The following ST3GAL1 variants were observed in gnomAD, a reference collection of about 807,000 sequenced individuals.
ST3GAL1 encodes the protein CMP-N-acetylneuraminate-beta-galactosamide-alpha-2,3-sialyltransferase 1.
Under a neutral mutation model 34.1 loss-of-function variants are expected in ST3GAL1, and 16 were observed. That is an observed-to-expected ratio of 0.47 (90% CI 0.32 to 0.71). ST3GAL1 has a LOEUF of 0.71. ST3GAL1 is among the 30% of genes least tolerant of loss of function. The probability of loss-of-function intolerance (pLI) is 0.04; values close to 1 mark genes in which losing one functional copy is unlikely to be tolerated. For missense variants in ST3GAL1, 353 were observed against 447.4 expected (o/e 0.79, Z 1.90); for synonymous variants, 191 against 184.7 (o/e 1.03, Z -0.28).
intron 1 of ST3GAL1, among the ~76,000 whole-genome samples, chr8:133,558,063 C>T (rs1467632649): frequency 1.3e-5 from 2 of 152,182 alleles, no homozygotes; most frequent in African/African-American, 4.8e-5. Flanking sequence ...CCTAAGAGCA[C>T]CATTCTGCCA....
At position 133,535,647 on chromosome 8, in the gene ST3GAL1, G is replaced by A. The variant is rs375551200; in HGVS notation, c.-429+10127C>T. On this transcript the variant is annotated intron_variant, in intron 2 of 9. Transcript: ENST00000522652. ...CTATAGATGCACATGCACCATTCCCGGCTAATGTTTTCACTTTTTTTGGTA... is the reference window on the plus strand; with the variant it reads ...CTATAGATGCACATGCACCATTCCCAGCTAATGTTTTCACTTTTTTTGGTA... Among the ~76,000 whole-genome samples, 30 of 152,054 alleles carry A rather than the reference G, an allele frequency of 2.0e-4. No individual in the cohort carries two copies. The South Asian group carries it at 5.0e-3, about 25-fold the overall frequency.
chr8:133,506,949 AAATAAAT>A (rs1180973918), intron 2 of ST3GAL1, among the ~76,000 whole-genome samples: 2 of 105,688 alleles, frequency 1.9e-5, no homozygotes, highest in Admixed American at 9.2e-5. Context: ...ATAAATAAAT[AAATAAAT>A]AATAAATAAA....
At chr8:133,483,091 C>T (rs1563705932) in intron 3 of ST3GAL1, among the ~76,000 whole-genome samples, 2 of 152,232 alleles carry the variant, frequency 1.3e-5, no homozygotes, top group African/African-American at 4.8e-5. Flanking sequence ...CCTGTAATCC[C>T]AGCACTTTGG....
At chr8:133,540,847 A>T (rs1262658423) in intron 2 of ST3GAL1, among the ~76,000 whole-genome samples, 1 of 117,198 alleles carries the variant, frequency 8.5e-6, no homozygotes, top group Non-Finnish European at 1.9e-5. Context: ...AGAGACATAT[A>T]TATAGAGACA....
rs182832686 is a variant in ST3GAL1, at chr8:133,455,382, G to A, written c.*4382C>T. The stretch of plus-strand genomic sequence containing the variant: ...AGTGCTCTTTTGGTAAGAAAAAATA[G>A]TCGGTAATGCCCTGATCCTGACAAG... On this transcript the variant is annotated 3_prime_UTR_variant, in exon 10 of 10. Transcript: ENST00000522652. The A allele has an allele frequency of 9.2e-5, 14 of 152,410 alleles. No homozygotes were observed. The highest frequency in any genetic ancestry group is 2.6e-4 in the African/African-American group (11 of 41,574). 9.4% of individuals were successfully genotyped at this position (152,410 alleles called of 1,614,324 possible).
intron 2 of ST3GAL1, among the ~76,000 whole-genome samples, chr8:133,528,554 CA>C (rs1354293099): frequency 1.2e-4 from 19 of 152,248 alleles, no homozygotes; most frequent in African/African-American, 4.6e-4. Context: ...GAGTCAAGAC[CA>C]GGGGTCATCG....
chr8:133,518,794 G>A (rs1243356736), intron 2 of ST3GAL1, among the ~76,000 whole-genome samples: 1 of 152,142 alleles, frequency 6.6e-6, no homozygotes, highest in Non-Finnish European at 1.5e-5. Context: ...AAGTCTTCTA[G>A]GAGGTGCTAT....
chr8:133,534,799 C>T (rs535050939), intron 2 of ST3GAL1, among the ~76,000 whole-genome samples: 3 of 152,148 alleles, frequency 2.0e-5, no homozygotes, highest in Non-Finnish European at 4.4e-5. Context: ...TGGCTCTGTG[C>T]GGCTGACACA....
intron 2 of ST3GAL1, among the ~76,000 whole-genome samples, chr8:133,532,409 G>A (rs922533711): frequency 6.6e-6 from 1 of 151,916 alleles, no homozygotes; most frequent in Non-Finnish European, 1.5e-5. Context: ...GCAGTGAGCC[G>A]AGATTGCACC....
Position 133,464,879 on chromosome 8 carries a change from G to A in ST3GAL1, c.582C>T (p.Ser194=), listed in dbSNP as rs757456186. The A allele has an allele frequency of 1.2e-5, 19 of 1,614,008 alleles. No individual in the cohort carries two copies. The highest frequency in any genetic ancestry group is 1.7e-5 in the Admixed American group (1 of 60,002). Residue 194 remains serine, a synonymous_variant, in exon 7 of 10, where the codon AGC becomes AGT. Transcript: ENST00000522652. ...KTTHHLVYPE[S]FRELGDNVSM... The stretch of plus-strand genomic sequence containing the variant: ...TGACATTATCTCCCAGCTCCCGGAA[G>A]CTCTCAGGGTACACCAGATGGTGGG...
chr8:133,470,413 C>G (rs953596861), intron 5 of ST3GAL1, among the ~76,000 whole-genome samples: 13 of 150,492 alleles, frequency 8.6e-5, no homozygotes, highest in Non-Finnish European at 1.9e-4. Flanking sequence ...GAGAGAAACT[C>G]CATGCCAAAA....
intron 3 of ST3GAL1, among the ~76,000 whole-genome samples, chr8:133,498,452 T>C (rs1037561326): frequency 6.6e-6 from 1 of 152,142 alleles, no homozygotes; most frequent in Admixed American, 6.5e-5. Context: ...CAGCCAGGGC[T>C]GGTGTCCAGC....
chr8:133,455,168 G>A lies in ST3GAL1; in HGVS notation c.*4596C>T, dbSNP rs1361728264. 1 of 152,300 alleles carries A rather than the reference G, an allele frequency of 6.6e-6. No individual in the cohort carries two copies. The highest frequency in any genetic ancestry group is 1.5e-5 in the Non-Finnish European group (1 of 68,082). 9.4% of individuals were successfully genotyped at this position (152,300 alleles called of 1,614,324 possible). On this transcript the variant is annotated 3_prime_UTR_variant, in exon 10 of 10. Transcript: ENST00000522652. ...AAACCCACGATCACCCTAAGGGGCG[G>A]GGGGCTGGAGGGCGAGGCCCTGAGA...
intron 3 of ST3GAL1, among the ~76,000 whole-genome samples, chr8:133,488,609 G>A (rs935701790): frequency 4.6e-5 from 7 of 152,212 alleles, no homozygotes; most frequent in African/African-American, 1.7e-4. Context: ...TATGGGATAG[G>A]CTCTGCTCCC....
chr8:133,521,733 G>A (rs1817816143), intron 2 of ST3GAL1, among the ~76,000 whole-genome samples: 1 of 152,178 alleles, frequency 6.6e-6, no homozygotes, highest in Non-Finnish European at 1.5e-5. Flanking sequence ...TAATGATCAT[G>A]AAGAATTTTA....
intron 2 of ST3GAL1, among the ~76,000 whole-genome samples, chr8:133,512,011 C>A (rs2131012837): frequency 6.6e-6 from 1 of 152,254 alleles, no homozygotes; most frequent in South Asian, 2.1e-4. Context: ...TGAGAATGAG[C>A]CACTGCACTA....
intron 1 of ST3GAL1, among the ~76,000 whole-genome samples, chr8:133,561,348 T>C (rs1189025066): frequency 6.6e-6 from 1 of 152,060 alleles, no homozygotes; most frequent in African/African-American, 2.4e-5. Flanking sequence ...TGCCATGAAT[T>C]CCTTGAGCTT....
At chr8:133,478,192 C>T (rs1378427591) in intron 3 of ST3GAL1, among the ~76,000 whole-genome samples, 1 of 152,214 alleles carries the variant, frequency 6.6e-6, no homozygotes, top group Non-Finnish European at 1.5e-5. Flanking sequence ...CAAGGAGCAG[C>T]TCTGTAATTT....
intron 3 of ST3GAL1, among the ~76,000 whole-genome samples, chr8:133,490,365 G>A (rs1198244015): frequency 2.0e-5 from 3 of 152,212 alleles, no homozygotes; most frequent in Admixed American, 6.5e-5. Flanking sequence ...CACAGCTGGC[G>A]GCATGCGTAT....
Sources: gnomAD v4.1 joint callset for allele counts (sites outside exome capture counted in the v4.1 genomes callset) on GRCh38, gnomAD v4.1.1 for gene constraint, MANE v1.5 for transcripts, NCBI Gene and HGNC (gene_info 2026-07-23, HGNC 2026-07-21) for gene names.